Variants in KLHDC4 observed in about 807,000 individuals in gnomAD.
The protein encoded by KLHDC4 is kelch domain-containing protein 4.
A neutral mutation model predicts 62.4 loss-of-function variants in KLHDC4; 90 were observed. The observed-to-expected ratio is 1.44, with a 90% CI of 1.22 to 1.72. The LOEUF is 1.72. Among genes scored for constraint, KLHDC4 ranks in the 40% most tolerant of loss-of-function variants. The pLI, the probability that KLHDC4 is intolerant of heterozygous loss-of-function variation, is 0.00. For synonymous variants in KLHDC4, 386 were observed against 284.4 expected (o/e 1.36, Z -3.59); for missense variants, 1,025 against 699.7 (o/e 1.47, Z -5.25).
chr16:87,744,258 G>C (rs1299654137), intron 5 of KLHDC4, among the ~76,000 whole-genome samples: 1 of 151,920 alleles, frequency 6.6e-6, no homozygotes, highest in Non-Finnish European at 1.5e-5. Context: ...TCTACTAAAA[G>C]TACAAAATTA....
intron 4 of KLHDC4, among the ~76,000 whole-genome samples, chr16:87,754,456 C>A (rs546984122): frequency 6.6e-6 from 1 of 152,378 alleles, no homozygotes; most frequent in East Asian, 1.9e-4. Flanking sequence ...GCAGGCAGGT[C>A]CTCCTCACCA....
intron 5 of KLHDC4, among the ~76,000 whole-genome samples, chr16:87,734,202 TG>T (rs11336970): frequency 0.12 from 18,198 of 152,056 alleles, 1,664 homozygotes; most frequent in African/African-American, 0.25. Flanking sequence ...GTAATTAGCT[TG>T]GCGTCGTGGA....
At chr16:87,741,968 A>G (rs11648034) in intron 5 of KLHDC4, among the ~76,000 whole-genome samples, 135 of 152,288 alleles carry the variant, frequency 8.9e-4, no homozygotes, top group Non-Finnish European at 1.6e-3. Flanking sequence ...CTCAAAAGAC[A>G]TAAGCCCACC....
rs1433019813 is a variant in KLHDC4, at chr16:87,733,868, C to G, written c.507-3224G>C. ...CCCACTCTCTGCCTGGCCCTCCCAC[C>G]TCTCCACACAGGTCACAGCAACTCT... On this transcript the variant is annotated intron_variant, in intron 5 of 11. Transcript: ENST00000270583. Among the ~76,000 whole-genome samples, 4 of 152,244 alleles carry G rather than the reference C, an allele frequency of 2.6e-5. No individual in the cohort carries two copies. The South Asian group carries it at 8.3e-4, about 31-fold the overall frequency.
Position 87,709,379 on chromosome 16 carries a change from A to G in KLHDC4, c.1333T>C (p.Tyr445His), listed in dbSNP as rs749542043. The change falls in exon 10 of 12, where the codon TAC becomes CAC. Residue 445 changes from tyrosine (Y) to histidine (H), a missense_variant. Transcript: ENST00000270583. ...AMLAVKHGVL[Y>H]VYGGMFEAGD... ...GCCTCAAACATGCCCCCATAGACGT[A>G]GAGCACCCCATGCTTCACAGCCAGC... 1.2e-6 allele frequency: 2 copies of G among 1,613,440 alleles called. No homozygotes were observed. Among genetic ancestry groups the G allele is most frequent in the African/African-American group, 2.7e-5 (2 of 75,074 alleles).
chr16:87,729,776 C>A (rs1377342141), intron 6 of KLHDC4, among the ~76,000 whole-genome samples: 1 of 152,046 alleles, frequency 6.6e-6, no homozygotes, highest in East Asian at 1.9e-4. Flanking sequence ...GATTACAGAC[C>A]CGTGGCTCTC....
intron 3 of KLHDC4, 46 bp from the exon 4 acceptor site, chr16:87,755,338 C>G: frequency 9.9e-7 from 1 of 1,014,678 alleles, no homozygotes. Context: ...GATACGCTTC[C>G]AAGGAAGTGG....
chr16:87,721,414 TAAAAAAAAAAA>T (rs1176744434), intron 7 of KLHDC4, among the ~76,000 whole-genome samples: 77 of 78,912 alleles, frequency 9.8e-4, no homozygotes, highest in African/African-American at 3.9e-3. Flanking sequence ...ACTCTGTCTC[TAAAAAAAAAAA>T]AAAAAAAAAA....
At chr16:87,743,918 C>T (rs1197182944) in intron 5 of KLHDC4, among the ~76,000 whole-genome samples, 1 of 152,070 alleles carries the variant, frequency 6.6e-6, no homozygotes, top group East Asian at 1.9e-4. Context: ...GGGTATGATG[C>T]TGTCACTGCC....
chr16:87,709,234 G>C (rs372466663), intron 10 of KLHDC4, 31 bp downstream of exon 10: 1 of 1,590,028 alleles, frequency 6.3e-7, no homozygotes, highest in South Asian at 1.1e-5. Flanking sequence ...TCTCGCTCCC[G>C]GGCACGGAGG....
intron 4 of KLHDC4, among the ~76,000 whole-genome samples, chr16:87,749,712 T>C (rs1446540612): frequency 2.6e-5 from 4 of 152,134 alleles, no homozygotes; most frequent in African/African-American, 9.7e-5. Context: ...GCCTCCTGAG[T>C]AGCTTGGACG....
chr16:87,731,132 C>T lies in KLHDC4; in HGVS notation c.507-488G>A, dbSNP rs376363330. On this transcript the variant is annotated intron_variant, in intron 5 of 11. Coordinates refer to ENST00000270583, the MANE Select transcript of KLHDC4 (RefSeq NM_017566.4). ...ATGCTGGAGTTCAGTGGCCAGATCTCGGCTCACTGCAACCTTCGCCTCCAA... is the reference window on the plus strand; with the variant it reads ...ATGCTGGAGTTCAGTGGCCAGATCTTGGCTCACTGCAACCTTCGCCTCCAA... The T allele has an allele frequency of 4.6e-4, 62 of 135,494 alleles. No individual in the cohort carries two copies. In the East Asian group the frequency reaches 5.7e-3, roughly 12 times the overall value. The allele number at this position is 135,494 out of a possible 1,614,324, so 8.4% of individuals were successfully genotyped here.
chr16:87,707,324 G>A (rs56168079), downstream of KLHDC4, among the ~76,000 whole-genome samples: 1,383 of 152,314 alleles, frequency 9.1e-3, 23 homozygotes, highest in African/African-American at 0.031. Context: ...CCTTCCTGTC[G>A]CTTTGCAAAT....
intron 1 of KLHDC4, among the ~76,000 whole-genome samples, chr16:87,764,047 A>G (rs1372660151): frequency 1.3e-5 from 2 of 152,216 alleles, no homozygotes; most frequent in Non-Finnish European, 2.9e-5. Flanking sequence ...GACCTGATAC[A>G]TGAGTTCTGT....
intron 5 of KLHDC4, among the ~76,000 whole-genome samples, chr16:87,738,156 G>C (rs1482204225): frequency 2.0e-5 from 3 of 152,154 alleles, no homozygotes; most frequent in African/African-American, 7.2e-5. Flanking sequence ...CTTCACACCT[G>C]AGACTCTCAG....
chr16:87,712,455 C>T (rs928114912), intron 8 of KLHDC4, among the ~76,000 whole-genome samples: 1 of 152,244 alleles, frequency 6.6e-6, no homozygotes. Context: ...GGACCCTCTC[C>T]GGTGACAGAA....
At chr16:87,765,440 G>A (rs1215015035) in intron 1 of KLHDC4, 6 of 496,634 alleles carry the variant, frequency 1.2e-5, no homozygotes, top group Non-Finnish European at 2.0e-5. Flanking sequence ...GTCTTCCTGT[G>A]CCAAACCCCT....
At chr16:87,741,796 C>T (rs189824173) in intron 5 of KLHDC4, among the ~76,000 whole-genome samples, 2 of 152,304 alleles carry the variant, frequency 1.3e-5, no homozygotes, top group South Asian at 2.1e-4. Flanking sequence ...AGACTCCCTG[C>T]GCCTCTACCA....
chr16:87,732,432 A>C (rs1252004389), intron 5 of KLHDC4, among the ~76,000 whole-genome samples: 1 of 152,206 alleles, frequency 6.6e-6, no homozygotes, highest in Non-Finnish European at 1.5e-5. Context: ...CTAAGTGTAC[A>C]TCTAAAAGGC....
Sources: allele counts gnomAD v4.1 joint callset (sites outside exome capture counted in the v4.1 genomes callset), GRCh38; gene constraint gnomAD v4.1.1; transcripts MANE v1.5; gene names NCBI Gene and HGNC (gene_info 2026-07-23, HGNC 2026-07-21).